Variants in TCF12 observed in about 807,000 individuals in gnomAD.
TCF12 encodes the protein DNA-binding protein HTF4.
Under a neutral mutation model 86.0 loss-of-function variants are expected in TCF12, and 45 were observed. The observed-to-expected ratio is 0.52, with a 90% CI of 0.41 to 0.67. The LOEUF is 0.67. Among genes scored for constraint, TCF12 ranks in the 30% least tolerant of loss-of-function variants. The pLI, the probability that TCF12 is intolerant of heterozygous loss-of-function variation, is 0.00. For synonymous variants in TCF12, 330 were observed against 299.6 expected (o/e 1.10, Z -1.05); for missense variants, 881 against 859.9 (o/e 1.02, Z -0.31).
At chr15:56,956,321 A>G (rs2061502824) in intron 3 of TCF12, among the ~76,000 whole-genome samples, 1 of 151,704 alleles carries the variant, frequency 6.6e-6, no homozygotes, top group Non-Finnish European at 1.5e-5. Flanking sequence ...TTATATTAAT[A>G]GAATATTTTT....
intron 6 of TCF12, among the ~76,000 whole-genome samples, chr15:57,170,039 CATA>C (rs2055194976): frequency 6.6e-6 from 1 of 152,160 alleles, no homozygotes; most frequent in Non-Finnish European, 1.5e-5. Context: ...TTGAACTAAA[CATA>C]ATCACATTTA....
intron 4 of TCF12, among the ~76,000 whole-genome samples, chr15:57,090,026 G>T (rs2048890879): frequency 6.6e-6 from 1 of 152,086 alleles, no homozygotes. Context: ...ACCAACCTGG[G>T]CAACATAGTG....
At chr15:57,074,359 TTAAAA>T (rs1567367057) in intron 4 of TCF12, among the ~76,000 whole-genome samples, 4 of 97,010 alleles carry the variant, frequency 4.1e-5, no homozygotes, top group Admixed American at 1.1e-4. Context: ...CCCATTTTGA[TTAAAA>T]AAAAAAAAAA....
chr15:56,989,928 A>G (rs1023333064), intron 3 of TCF12, among the ~76,000 whole-genome samples: 14 of 152,200 alleles, frequency 9.2e-5, no homozygotes, highest in Non-Finnish European at 1.3e-4. Flanking sequence ...CTGTTTTTCT[A>G]ACTTCAGAGA....
chr15:57,150,033 C>T (rs1346281974), intron 5 of TCF12, among the ~76,000 whole-genome samples: 16 of 152,112 alleles, frequency 1.1e-4, no homozygotes, highest in Admixed American at 9.8e-4. Context: ...AAGGTGAGTC[C>T]TGAAGTTACC....
At chr15:56,974,329 G>A (rs1477731341) in intron 3 of TCF12, among the ~76,000 whole-genome samples, 1 of 152,066 alleles carries the variant, frequency 6.6e-6, no homozygotes, top group Non-Finnish European at 1.5e-5. Flanking sequence ...TAGCAAATGT[G>A]ATTCTTTGAA....
At chr15:57,139,363 A>G (rs1337287140) in intron 5 of TCF12, among the ~76,000 whole-genome samples, 2 of 152,186 alleles carry the variant, frequency 1.3e-5, no homozygotes, top group Non-Finnish European at 1.5e-5. Context: ...TATTGTATAG[A>G]TGTTTCAGAA....
intron 5 of TCF12, among the ~76,000 whole-genome samples, chr15:57,116,043 T>G (rs2050812685): frequency 6.6e-6 from 1 of 152,198 alleles, no homozygotes; most frequent in South Asian, 2.1e-4. Context: ...TAACATTGCC[T>G]CATTTTATCC....
At chr15:57,238,835 A>G (rs1231034048) in intron 12 of TCF12, among the ~76,000 whole-genome samples, 3 of 152,218 alleles carry the variant, frequency 2.0e-5, no homozygotes, top group Non-Finnish European at 2.9e-5. Flanking sequence ...AATAATGATA[A>G]TGTATAACAC....
intron 4 of TCF12, among the ~76,000 whole-genome samples, chr15:57,067,412 C>T (rs974262310): frequency 5.3e-5 from 8 of 151,122 alleles, no homozygotes; most frequent in Admixed American, 3.9e-4. Flanking sequence ...TAGTGGTGGG[C>T]GCCTGTAGTC....
intron 6 of TCF12, among the ~76,000 whole-genome samples, chr15:57,180,686 A>G (rs975433219): frequency 3.3e-5 from 5 of 151,996 alleles, no homozygotes; most frequent in African/African-American, 9.7e-5. Context: ...ATGAATTCAT[A>G]TCAGTATTTT....
At chr15:57,271,895 T>TA (rs2061162469) in intron 18 of TCF12, among the ~76,000 whole-genome samples, 1 of 152,244 alleles carries the variant, frequency 6.6e-6, no homozygotes, top group Non-Finnish European at 1.5e-5. Context: ...GTAAAAGTTA[T>TA]TTAACAGCCA....
At position 56,931,235 on chromosome 15, in the gene TCF12, A is replaced by C. The variant is rs188108711; in HGVS notation, c.148+10137A>C. Among the ~76,000 whole-genome samples the C allele has an allele frequency of 3.3e-5, 5 of 152,240 alleles. No individual in the cohort carries two copies. In the East Asian group the frequency reaches 9.6e-4, roughly 29 times the overall value. On this transcript the variant is annotated intron_variant, in intron 3 of 20. Transcript: ENST00000333725. ...CTTGGAATATAAGCTTTTCAGGCTG[A>C]GTTTTATTCTTTGAGTAGTCCACCC... is the stretch of plus-strand genomic sequence containing the variant.
At chr15:57,214,888 CT>C (rs1424767666) in intron 8 of TCF12, among the ~76,000 whole-genome samples, 3 of 151,910 alleles carry the variant, frequency 2.0e-5, no homozygotes, top group African/African-American at 7.3e-5. Context: ...AATTAGAAGG[CT>C]TTTTACTGAT....
chr15:57,243,584 G>A (rs759978657), intron 13 of TCF12, 34 bp downstream of exon 13: 47 of 1,499,066 alleles, frequency 3.1e-5, no homozygotes, highest in Non-Finnish European at 4.3e-5. Context: ...CTAACTGGTG[G>A]GACTACTTGG....
At chr15:57,069,297 T>G (rs753081903) in intron 4 of TCF12, among the ~76,000 whole-genome samples, 15 of 152,346 alleles carry the variant, frequency 9.8e-5, no homozygotes, top group Non-Finnish European at 2.1e-4. Context: ...AGAGTTGGCA[T>G]TTTAATCATG....
At chr15:57,082,525 T>C (rs1161320624) in intron 4 of TCF12, among the ~76,000 whole-genome samples, 2 of 152,202 alleles carry the variant, frequency 1.3e-5, no homozygotes. Flanking sequence ...GGCCAAACTA[T>C]TTCAGATAAG....
chr15:57,123,935 C>G (rs2151304046), intron 5 of TCF12, among the ~76,000 whole-genome samples: 1 of 141,328 alleles, frequency 7.1e-6, no homozygotes, highest in South Asian at 2.2e-4. Flanking sequence ...CGCCACTGCA[C>G]TCCAGCCTGG....
intron 3 of TCF12, among the ~76,000 whole-genome samples, chr15:57,014,747 A>T (rs1368068610): frequency 1.3e-5 from 2 of 152,136 alleles, no homozygotes; most frequent in Non-Finnish European, 2.9e-5. Flanking sequence ...CAGGGTTGAC[A>T]GTCAGGTCAG....
Sources: allele counts gnomAD v4.1 joint callset (sites outside exome capture counted in the v4.1 genomes callset), GRCh38; gene constraint gnomAD v4.1.1; transcripts MANE v1.5; gene names NCBI Gene and HGNC (gene_info 2026-07-23, HGNC 2026-07-21).